PHACTR2: variants seen among roughly 807,000 people sequenced by gnomAD.
The protein encoded by PHACTR2 is phosphatase and actin regulator 2.
A neutral mutation model predicts 76.0 loss-of-function variants in PHACTR2; 30 were observed. The observed-to-expected ratio is 0.39, with a 90% CI of 0.30 to 0.54. The LOEUF (loss-of-function observed/expected upper bound fraction) is 0.54. Among genes scored for constraint, PHACTR2 ranks in the 20% least tolerant of loss-of-function variants. The probability of loss-of-function intolerance (pLI) is 0.61; values close to 1 mark genes in which losing one functional copy is unlikely to be tolerated. For synonymous variants in PHACTR2, 292 were observed against 292.5 expected, an observed-to-expected ratio of 1.00 and a Z score of 0.02; for missense variants, 696 against 781.1, an observed-to-expected ratio of 0.89 and a Z score of 1.30.
rs12204134 is a variant in PHACTR2 at position 143,627,463 on chromosome 6, G to T, written c.13+19141G>T. On this transcript the variant is annotated intron_variant, in intron 1 of 11. Transcript: ENST00000305766. This position sits in a 1 kb window ranked among gnomAD's most constrained non-coding sequence, Gnocchi z 4.3. The stretch of plus-strand genomic sequence containing the variant: ...GTAATATACTCAGCTACTACGTCAG[G>T]TAGCCTTGCGGAATTCAAGAGTCTT... 0.63 allele frequency among the ~76,000 whole-genome samples: 96,363 copies of T among 152,008 alleles called. 32,580 individuals carry two copies. Among genetic ancestry groups the T allele is most frequent in the Middle Eastern group, 0.78 (228 of 294 alleles).
rs1166703403 is a variant in PHACTR2, at chr6:143,757,024, G to A, written c.454+3112G>A. The stretch of plus-strand genomic sequence containing the variant: ...TTCAGGCACCATTGCACTCCAGCCT[G>A]GGTGACAGCCAGTCTCAAAAAAAGA... On this transcript the variant is annotated intron_variant, in intron 4 of 12. Transcript: ENST00000440869. The surrounding 1 kb of genome is among the most constrained non-coding windows in gnomAD (Gnocchi z 4.2). Among the ~76,000 whole-genome samples the A allele has an allele frequency of 6.6e-6, 1 of 152,110 alleles. No homozygotes were observed. The highest frequency in any genetic ancestry group is 1.5e-5 in the Non-Finnish European group (1 of 68,026).
At chr6:143,606,786 A>G (rs532231134), upstream of PHACTR2, among the ~76,000 whole-genome samples, 1 of 152,158 alleles carries the variant, frequency 6.6e-6, no homozygotes, top group Non-Finnish European at 1.5e-5. Flanking sequence ...CAAATTTTTT[A>G]AAAATATATA....
chr6:143,746,193 A>T (rs1227869251), intron 2 of PHACTR2, among the ~76,000 whole-genome samples: 1 of 152,160 alleles, frequency 6.6e-6, no homozygotes, highest in Non-Finnish European at 1.5e-5. Context: ...AATTGTCCTT[A>T]GTGATCCTTG....
Position 143,828,065 on chromosome 6 carries a change from G to C in PHACTR2, c.*4376G>C, listed in dbSNP as rs1357607543. ...CTTGGGAGGCTGAGGCAGGGAAATC[G>C]CTTAAACCCGGGAGGTGGAGGTTGC... is the stretch of plus-strand genomic sequence containing the variant. On this transcript the variant is annotated 3_prime_UTR_variant, in exon 13 of 13. Transcript: ENST00000440869. This position sits in a 1 kb window ranked among gnomAD's most constrained non-coding sequence, Gnocchi z 4.7. 1 of 151,978 alleles carries C rather than the reference G, an allele frequency of 6.6e-6. No individual in the cohort carries two copies. Among genetic ancestry groups the C allele is most frequent in the Non-Finnish European group, 1.5e-5 (1 of 68,026 alleles). The allele number at this position is 151,978 out of a possible 1,614,324, so 9.4% of individuals were successfully genotyped here. A position where few individuals can be genotyped will look rare whatever the true frequency, so the allele number is the denominator to read the frequency against.
intron 2 of PHACTR2, among the ~76,000 whole-genome samples, chr6:143,727,640 T>C (rs1377726999): frequency 6.6e-6 from 1 of 152,256 alleles, no homozygotes; most frequent in African/African-American, 2.4e-5. Context: ...TTTTGTCTTT[T>C]TGATAATAGC....
In PHACTR2 at chr6:143,760,573, G is replaced by A; in HGVS notation, c.627G>A (p.Lys209=). The change falls in exon 5 of 13, where the codon AAG becomes AAA. Residue 209 remains lysine (K), a synonymous_variant. Transcript: ENST00000440869. This position sits in a 1 kb window ranked among gnomAD's most constrained non-coding sequence, Gnocchi z 6.4. ...DEVPPIKKNT[K]APGKQAPVPP... ...TGCCTCCCATTAAAAAAAATACCAA[G>A]GCTCCTGGTAAGCAGGCCCCCGTCC... 4 of 1,613,900 alleles carry A rather than the reference G, an allele frequency of 2.5e-6. 1 individual carries two copies. The South Asian group carries it at 4.4e-5, about 18-fold the overall frequency.
chr6:143,677,805 T>G (rs1365137248), upstream of PHACTR2, among the ~76,000 whole-genome samples: 3 of 152,290 alleles, frequency 2.0e-5, no homozygotes, highest in Non-Finnish European at 2.9e-5. Context: ...CCTACCACCC[T>G]GAGGGGGTGC....
chr6:143,605,610 C>T (rs1775861000), upstream of PHACTR2, among the ~76,000 whole-genome samples: 1 of 152,158 alleles, frequency 6.6e-6, no homozygotes, highest in African/African-American at 2.4e-5. The surrounding 1 kb of genome is among the most constrained non-coding windows in gnomAD (Gnocchi z 5.0). Flanking sequence ...CAGTTAGGTC[C>T]TCGGCAATGA....
In PHACTR2 at chr6:143,753,788, C is replaced by G; in HGVS notation, c.330C>G (p.Asn110Lys). ...GDVTVNFENS[N>K]GHMIPIGEES... ...TAACAGTTAACTTTGAAAATTCAAA[C>G]GGGCACATGATACCCATCGGAGAGG... Residue 110 changes from asparagine to lysine, a missense_variant, in exon 4 of 13, where the codon AAC becomes AAG. By Grantham distance (94) the Asn-to-Lys change is moderately conservative. Transcript: ENST00000440869. The surrounding 1 kb of genome is among the most constrained non-coding windows in gnomAD (Gnocchi z 4.6). 1.9e-6 allele frequency: 3 copies of G among 1,601,510 alleles called. No individual in the cohort carries two copies. The Admixed American group carries it at 5.3e-5, about 28-fold the overall frequency.
rs76829257 is a variant in PHACTR2, at chr6:143,689,744, G to A, written c.46+11535G>A. Among the ~76,000 whole-genome samples the A allele has an allele frequency of 8.0e-5, 12 of 150,100 alleles. 1 individual carries two copies. The East Asian group carries it at 1.6e-3, about 20-fold the overall frequency. On this transcript the variant is annotated intron_variant, in intron 1 of 12. Coordinates refer to ENST00000440869, the MANE Select transcript of PHACTR2 (RefSeq NM_001100164.2). This position sits in a 1 kb window ranked among gnomAD's most constrained non-coding sequence, Gnocchi z 4.4. ...GTGTCGCTCTGTTGCCCAGGCTGGA[G>A]TGCAGTGGCCTGATTTCAGCTCACT...
At chr6:143,744,689 G>A (rs1779016328) in intron 2 of PHACTR2, among the ~76,000 whole-genome samples, 1 of 152,210 alleles carries the variant, frequency 6.6e-6, no homozygotes, top group South Asian at 2.1e-4. Flanking sequence ...AAGTGGTTAG[G>A]AGCCAGGCAC....
At chr6:143,660,091 C>T (rs556637213) in intron 1 of PHACTR2, among the ~76,000 whole-genome samples, 2 of 152,244 alleles carry the variant, frequency 1.3e-5, no homozygotes, top group South Asian at 2.1e-4. Context: ...ATTGACAATA[C>T]TGCTTACTAC....
At position 143,777,287 on chromosome 6, in the gene PHACTR2, C is replaced by A; in HGVS notation, c.1590-41C>A. ...TTATTCTGAGTCTCCTACTAGGGTA[C>A]CTTGTTTTTAACCTGTAATATATCC... On this transcript the variant is annotated intron_variant, in intron 8 of 12. Transcript: ENST00000440869. This position sits in a 1 kb window ranked among gnomAD's most constrained non-coding sequence, Gnocchi z 4.6. The A allele has an allele frequency of 1.8e-6, 2 of 1,099,316 alleles. No individual in the cohort carries two copies. The highest frequency in any genetic ancestry group is 2.7e-6 in the Non-Finnish European group (2 of 731,374). 68.1% of individuals were successfully genotyped at this position (1,099,316 alleles called of 1,614,324 possible).
At chr6:143,601,439 G>A (rs1775813707) in intron 1 of PHACTR2, among the ~76,000 whole-genome samples, 1 of 152,180 alleles carries the variant, frequency 6.6e-6, no homozygotes, top group Non-Finnish European at 1.5e-5. Flanking sequence ...GCTGCTTGCA[G>A]GTTTTTTTAG....
intron 1 of PHACTR2, among the ~76,000 whole-genome samples, chr6:143,668,380 T>C (rs780517988): frequency 3.3e-5 from 5 of 152,214 alleles, no homozygotes; most frequent in Non-Finnish European, 5.9e-5. Context: ...AGGATGATGT[T>C]GGCCTCATAA....
chr6:143,702,658 T>C (rs904571510), intron 1 of PHACTR2, among the ~76,000 whole-genome samples: 3 of 152,030 alleles, frequency 2.0e-5, no homozygotes, highest in African/African-American at 7.2e-5. Context: ...AATGTGAAAG[T>C]ACTAAACATG....
intron 12 of PHACTR2, among the ~76,000 whole-genome samples, chr6:143,813,180 C>G (rs1334945574): frequency 2.0e-5 from 3 of 151,988 alleles, no homozygotes; most frequent in Non-Finnish European, 2.9e-5. Flanking sequence ...TTATTTACTT[C>G]TTATATTAAG....
chr6:143,631,044 G>A (rs1387033039), intron 1 of PHACTR2, among the ~76,000 whole-genome samples: 1 of 152,138 alleles, frequency 6.6e-6, no homozygotes, highest in African/African-American at 2.4e-5. Flanking sequence ...AAGGTACAAA[G>A]CAAGGAATTA....
At chr6:143,681,703 G>A (rs567939353) in intron 1 of PHACTR2, among the ~76,000 whole-genome samples, 8 of 152,292 alleles carry the variant, frequency 5.3e-5, no homozygotes, top group Non-Finnish European at 1.0e-4. Flanking sequence ...TCTTCCAAGC[G>A]TTTTATAATT....
Sources: gnomAD v4.1 joint callset for allele counts (sites outside exome capture counted in the v4.1 genomes callset) on GRCh38, gnomAD v4.1.1 for gene constraint, Gnocchi (gnomAD v3.1) non-coding constraint, MANE v1.5 for transcripts, NCBI Gene and HGNC (gene_info 2026-07-23, HGNC 2026-07-21) for gene names.